The following PDS5B variants were observed in gnomAD, a reference collection of about 807,000 sequenced individuals.
PDS5B encodes sister chromatid cohesion protein PDS5 homolog B.
A neutral mutation model predicts 184.1 loss-of-function variants in PDS5B; 51 were observed. The ratio of observed to expected loss-of-function variants is 0.28; its 90% CI spans 0.22 to 0.35. PDS5B has a LOEUF of 0.35. PDS5B is among the 10% of genes least tolerant of loss of function. The probability of loss-of-function intolerance (pLI) is 1.00; values close to 1 mark genes in which losing one functional copy is unlikely to be tolerated. For synonymous variants in PDS5B, 566 were observed against 569.2 expected, an observed-to-expected ratio of 0.99 and a Z score of 0.08; for missense variants, 1,180 against 1,723.3, an observed-to-expected ratio of 0.68 and a Z score of 5.58.
chr13:32,649,539 G>T (rs962663997), intron 2 of PDS5B: 2 of 152,152 alleles, frequency 1.3e-5, no homozygotes, highest in Non-Finnish European at 2.9e-5. Context: ...GATCGAGGTT[G>T]TATCTACCTA....
chr13:32,661,912 A>C (rs1950660303), intron 6 of PDS5B, among the ~76,000 whole-genome samples: 1 of 152,156 alleles, frequency 6.6e-6, no homozygotes, highest in Non-Finnish European at 1.5e-5. Flanking sequence ...TGATCCTGGG[A>C]TGATCAGGAG....
chr13:32,672,891 G>A (rs1335240543), intron 7 of PDS5B, among the ~76,000 whole-genome samples: 1 of 152,098 alleles, frequency 6.6e-6, no homozygotes, highest in East Asian at 1.9e-4. Flanking sequence ...ATGCAGTCAA[G>A]TTGACACATA....
intron 19 of PDS5B, among the ~76,000 whole-genome samples, chr13:32,712,909 A>G (rs1452571523): frequency 3.3e-5 from 5 of 152,224 alleles, no homozygotes; most frequent in Non-Finnish European, 5.9e-5. Flanking sequence ...GAAGAAAATT[A>G]TACGCTTAAC....
intron 27 of PDS5B, 80 bp from the exon 28 acceptor site, chr13:32,758,454 A>G (rs1954263197): frequency 2.2e-6 from 3 of 1,358,224 alleles, no homozygotes; most frequent in African/African-American, 1.4e-5. Context: ...GACTGGATTC[A>G]TGTTCTGAAA....
intron 19 of PDS5B, among the ~76,000 whole-genome samples, chr13:32,711,294 A>G (rs1375582212): frequency 6.7e-6 from 1 of 150,156 alleles, no homozygotes; most frequent in Non-Finnish European, 1.5e-5. Context: ...CTGGCCGGCA[A>G]TTATTTAAAT....
intron 1 of PDS5B, among the ~76,000 whole-genome samples, chr13:32,612,716 A>G (rs763708545): frequency 1.3e-5 from 2 of 152,150 alleles, no homozygotes; most frequent in Non-Finnish European, 2.9e-5. Flanking sequence ...ACAGGAGTGG[A>G]TTCATTATAA....
At chr13:32,598,364 C>T (rs191053349) in intron 1 of PDS5B, among the ~76,000 whole-genome samples, 80 of 152,118 alleles carry the variant, frequency 5.3e-4, no homozygotes, top group African/African-American at 1.8e-3. Flanking sequence ...TGAGCCACCG[C>T]GCCTGGCCAG....
chr13:32,684,057 C>A lies in PDS5B; in HGVS notation c.1203+34C>A, dbSNP rs367632931. On this transcript the variant is annotated intron_variant, in intron 11 of 34. Coordinates refer to ENST00000315596, the MANE Select transcript of PDS5B (RefSeq NM_015032.4). ...GAATAAATAATTATTACTAAGTTTT[C>A]ATTTTTAATACTTGAAGTTTAACAA... The A allele has an allele frequency of 3.7e-6, 4 of 1,066,700 alleles. No homozygotes were observed. The African/African-American group carries it at 4.8e-5, about 13-fold the overall frequency. 66.1% of individuals were successfully genotyped at this position (1,066,700 alleles called of 1,614,324 possible).
At chr13:32,595,700 G>A (rs2057854787) in intron 1 of PDS5B, among the ~76,000 whole-genome samples, 1 of 152,214 alleles carries the variant, frequency 6.6e-6, no homozygotes, top group South Asian at 2.1e-4. Flanking sequence ...ACCAAACTGA[G>A]CTGTTAATAA....
intron 19 of PDS5B, among the ~76,000 whole-genome samples, chr13:32,720,189 A>G (rs1481573787): frequency 6.6e-6 from 1 of 152,234 alleles, no homozygotes; most frequent in Non-Finnish European, 1.5e-5. Flanking sequence ...ATTTATAAGC[A>G]GGAAGTCCTG....
Position 32,710,116 on chromosome 13 carries a change from G to A in PDS5B, c.2123+10G>A. ...TTCCACACATCAGATCGTGAGTTGA[G>A]TTTATTTTCAAAAATATTCTGGACA... On this transcript the variant is annotated intron_variant, in intron 19 of 34. Transcript: ENST00000315596. 2 of 1,432,200 alleles carry A rather than the reference G, an allele frequency of 1.4e-6. No individual in the cohort carries two copies. Among genetic ancestry groups the A allele is most frequent in the Non-Finnish European group, 1.9e-6 (2 of 1,075,960 alleles). 88.7% of individuals were successfully genotyped at this position (1,432,200 alleles called of 1,614,324 possible). A position where few individuals can be genotyped will look rare whatever the true frequency, so the allele number is the denominator to read the frequency against.
rs548173140 is a variant in PDS5B at position 32,686,901 on chromosome 13, A to G, written c.1204-233A>G. Among the ~76,000 whole-genome samples the G allele has an allele frequency of 9.2e-5, 14 of 152,354 alleles. No individual in the cohort carries two copies. In the East Asian group the frequency reaches 2.7e-3, roughly 29 times the overall value. ...GATGATAGGTTTAAGACATTAAAGC[A>G]TTAAAGTTCTTTACACATGTTGATT... On this transcript the variant is annotated intron_variant, in intron 11 of 34. Transcript: ENST00000315596.
At chr13:32,769,405 G>C (rs1013246789) in intron 31 of PDS5B, among the ~76,000 whole-genome samples, 2 of 152,086 alleles carry the variant, frequency 1.3e-5, no homozygotes, top group Non-Finnish European at 2.9e-5. Flanking sequence ...TGTATTATAA[G>C]TGTTCATACA....
chr13:32,592,459 G>A (rs1475728905), intron 1 of PDS5B, among the ~76,000 whole-genome samples: 1 of 152,076 alleles, frequency 6.6e-6, no homozygotes, highest in Non-Finnish European at 1.5e-5. Flanking sequence ...GTTTCACCAT[G>A]CTGGCCAGGC....
At chr13:32,751,909 TAAATG>T (rs1566410064) in intron 24 of PDS5B, among the ~76,000 whole-genome samples, 1 of 152,170 alleles carries the variant, frequency 6.6e-6, no homozygotes, top group Non-Finnish European at 1.5e-5. Context: ...AACTGAAATT[TAAATG>T]AAATGAAAGA....
At position 32,759,706 on chromosome 13, in the gene PDS5B, C is replaced by T. The variant is rs2141012843; in HGVS notation, c.3372+16C>T. The T allele has an allele frequency of 7.0e-7, 1 of 1,435,178 alleles. No individual in the cohort carries two copies. The highest frequency in any genetic ancestry group is 2.3e-5 in the East Asian group (1 of 43,312). The allele number at this position is 1,435,178 out of a possible 1,614,324, so 88.9% of individuals were successfully genotyped here. ...TCCTGGAAAAGTATGTTTTGAGAAT[C>T]ATTTTAATTTTTATGTGGTAGCTTA... is the stretch of plus-strand genomic sequence containing the variant. On this transcript the variant is annotated intron_variant, in intron 29 of 34. Coordinates refer to ENST00000315596, the MANE Select transcript of PDS5B (RefSeq NM_015032.4).
intron 1 of PDS5B, among the ~76,000 whole-genome samples, chr13:32,603,705 G>T (rs1309666671): frequency 1.3e-5 from 2 of 152,154 alleles, no homozygotes; most frequent in South Asian, 2.1e-4. Flanking sequence ...CATTTTCACA[G>T]TATTGATTCT....
chr13:32,591,421 G>C (rs1303747214), intron 1 of PDS5B, among the ~76,000 whole-genome samples: 1 of 152,072 alleles, frequency 6.6e-6, no homozygotes, highest in Non-Finnish European at 1.5e-5. Flanking sequence ...CCGGCCTACT[G>C]TTTTATTTTT....
intron 30 of PDS5B, among the ~76,000 whole-genome samples, chr13:32,764,198 C>T (rs1406323784): frequency 1.3e-5 from 2 of 151,980 alleles, no homozygotes; most frequent in African/African-American, 2.4e-5. Flanking sequence ...AAACTGCCAA[C>T]GAGAAAAGTT....
Sources: gnomAD v4.1 joint callset for allele counts (sites outside exome capture counted in the v4.1 genomes callset) on GRCh38, gnomAD v4.1.1 for gene constraint, MANE v1.5 for transcripts, NCBI Gene and HGNC (gene_info 2026-07-23, HGNC 2026-07-21) for gene names.